The following PAFAH1B1 variants were observed in gnomAD, a reference collection of about 807,000 sequenced individuals.
The protein encoded by PAFAH1B1 is platelet-activating factor acetylhydrolase IB subunit beta.
Under a neutral mutation model 57.5 loss-of-function variants are expected in PAFAH1B1, and 2 were observed. The observed-to-expected ratio is 0.03, with a 90% CI of 0.01 to 0.11. The LOEUF is 0.11. Among genes scored for constraint, PAFAH1B1 ranks in the 10% least tolerant of loss-of-function variants. The probability of loss-of-function intolerance (pLI) is 1.00; values close to 1 mark genes in which losing one functional copy is unlikely to be tolerated. For synonymous variants in PAFAH1B1, 152 were observed against 169.6 expected, an observed-to-expected ratio of 0.90 and a Z score of 0.81; for missense variants, 257 against 512.0, an observed-to-expected ratio of 0.50 and a Z score of 4.81.
chr17:2,680,792 C>G (rs1446985921), intron 10 of PAFAH1B1: 1 of 227,710 alleles, frequency 4.4e-6, no homozygotes, highest in African/African-American at 2.3e-5. Flanking sequence ...AATAAATGCA[C>G]TAAAGTATAA....
intron 1 of PAFAH1B1, among the ~76,000 whole-genome samples, chr17:2,597,609 C>T (rs1400055969): frequency 6.6e-6 from 1 of 151,604 alleles, no homozygotes; most frequent in Non-Finnish European, 1.5e-5. Flanking sequence ...TGGAGTTTCA[C>T]CATGTTGGTC....
intron 1 of PAFAH1B1, among the ~76,000 whole-genome samples, chr17:2,596,518 T>C (rs1262145516): frequency 1.3e-5 from 2 of 152,234 alleles, no homozygotes; most frequent in Non-Finnish European, 2.9e-5. Flanking sequence ...GTCATTTTAA[T>C]GCCCTGTATC....
chr17:2,628,411 A>G (rs1313397481), intron 1 of PAFAH1B1, among the ~76,000 whole-genome samples: 1 of 152,140 alleles, frequency 6.6e-6, no homozygotes, highest in Non-Finnish European at 1.5e-5. Flanking sequence ...CTGCATCCCT[A>G]ATATGAAACC....
At chr17:2,662,005 T>A (rs8067353) in intron 2 of PAFAH1B1, 92,120 of 146,392 alleles carry the variant, frequency 0.63, 29,773 homozygotes, top group East Asian at 0.88. Context: ...GAGCCGAGCT[T>A]GCGCCATTGC....
chr17:2,663,443 AG>A (rs2069048344), intron 2 of PAFAH1B1, among the ~76,000 whole-genome samples: 1 of 152,038 alleles, frequency 6.6e-6, no homozygotes, highest in Non-Finnish European at 1.5e-5. Flanking sequence ...GCTGGAATGC[AG>A]GGGCTCACTC....
At chr17:2,658,660 C>T (rs2068971883) in intron 2 of PAFAH1B1, among the ~76,000 whole-genome samples, 1 of 152,140 alleles carries the variant, frequency 6.6e-6, no homozygotes, top group South Asian at 2.1e-4. Context: ...AAGGTCCACT[C>T]ACCCTGCATT....
intron 2 of PAFAH1B1, among the ~76,000 whole-genome samples, chr17:2,664,545 A>G (rs180686456): frequency 6.1e-4 from 93 of 151,982 alleles, no homozygotes; most frequent in Admixed American, 4.5e-3. Context: ...AGCTGGGATT[A>G]CAGGGGCTTG....
chr17:2,599,440 G>A (rs776041230), intron 1 of PAFAH1B1, among the ~76,000 whole-genome samples: 3 of 152,142 alleles, frequency 2.0e-5, no homozygotes, highest in Non-Finnish European at 4.4e-5. Flanking sequence ...TTAACATATG[G>A]TCTTGTATTG....
chr17:2,674,022 T>G lies in PAFAH1B1; in HGVS notation c.672-38T>G, dbSNP rs202227221. 135 of 1,424,112 alleles carry G rather than the reference T, an allele frequency of 9.5e-5. 1 individual carries two copies. Among genetic ancestry groups the G allele is most frequent in the Non-Finnish European group, 9.9e-6 (10 of 1,008,600 alleles). 88.2% of individuals were successfully genotyped at this position (1,424,112 alleles called of 1,614,324 possible). ...TCACTTCTGGGAAGTGTCCTGATGA[T>G]TGTCATTCACAGTGTAAGTTATTAT... On this transcript the variant is annotated intron_variant, in intron 7 of 10. Coordinates refer to ENST00000397195, the MANE Select transcript of PAFAH1B1 (RefSeq NM_000430.4).
chr17:2,614,262 A>G (rs528130654), intron 1 of PAFAH1B1, among the ~76,000 whole-genome samples: 1 of 152,034 alleles, frequency 6.6e-6, no homozygotes, highest in African/African-American at 2.4e-5. Context: ...TCCTGAGCTC[A>G]AGGGATCCTC....
Position 2,667,985 on chromosome 17 carries a change from G to C in PAFAH1B1, c.399+787G>C, listed in dbSNP as rs146431419. The stretch of plus-strand genomic sequence containing the variant: ...ATTTAGGTAGATGCCTCTATCCTAA[G>C]GGTTATTTCAAAGTAAGTTACAGAT... On this transcript the variant is annotated intron_variant, in intron 5 of 10. Coordinates refer to ENST00000397195, the MANE Select transcript of PAFAH1B1 (RefSeq NM_000430.4). Among the ~76,000 whole-genome samples the C allele has an allele frequency of 1.0e-3, 159 of 151,976 alleles. 2 individuals are homozygous for C. The East Asian group carries it at 0.028, about 27-fold the overall frequency.
intron 1 of PAFAH1B1, among the ~76,000 whole-genome samples, chr17:2,597,796 GTGTC>G (rs760729535): frequency 1.1e-4 from 16 of 151,930 alleles, no homozygotes; most frequent in Non-Finnish European, 1.5e-4. Flanking sequence ...GTGTGTGTGT[GTGTC>G]TGTCTGTCTG....
intron 1 of PAFAH1B1, among the ~76,000 whole-genome samples, chr17:2,637,332 A>T (rs1349423282): frequency 3.3e-5 from 5 of 152,158 alleles, no homozygotes; most frequent in Non-Finnish European, 4.4e-5. Flanking sequence ...AGAGCATAAG[A>T]TTCCAGCACT....
intron 1 of PAFAH1B1, among the ~76,000 whole-genome samples, chr17:2,623,630 GTT>G (rs59737147): frequency 1.5e-5 from 2 of 133,138 alleles, no homozygotes; most frequent in Non-Finnish European, 3.3e-5. Flanking sequence ...CTACTTCCCC[GTT>G]TTTTTTTTTT....
rs1173271352 is a variant in PAFAH1B1 at position 2,681,996 on chromosome 17, C to T, written c.*194C>T. ...ATCCAAATTGTATACTGTAAATTTA[C>T]ATACGTTGTCTAGAAGTACCATAGG... On this transcript the variant is annotated 3_prime_UTR_variant, in exon 11 of 11. Coordinates refer to ENST00000397195, the MANE Select transcript of PAFAH1B1 (RefSeq NM_000430.4). 3.6e-6 allele frequency: 2 copies of T among 559,412 alleles called. No homozygotes were observed. Among genetic ancestry groups the T allele is most frequent in the Non-Finnish European group, 6.3e-6 (2 of 315,376 alleles). 34.7% of individuals were successfully genotyped at this position (559,412 alleles called of 1,614,324 possible). A position where few individuals can be genotyped will look rare whatever the true frequency, so the allele number is the denominator to read the frequency against.
At chr17:2,596,715 C>A (rs2068087327) in intron 1 of PAFAH1B1, among the ~76,000 whole-genome samples, 1 of 152,122 alleles carries the variant, frequency 6.6e-6, no homozygotes, top group South Asian at 2.1e-4. Flanking sequence ...TGATAATTCA[C>A]TGTATTATGT....
At position 2,681,853 on chromosome 17, in the gene PAFAH1B1, T is replaced by C; in HGVS notation, c.*51T>C. ...CTCTTTTCCTCTGGATGCACTCTGA[T>C]GATACCATGGTTACCCCATTGAGCT... On this transcript the variant is annotated 3_prime_UTR_variant, in exon 11 of 11. Transcript: ENST00000397195. 7.6e-7 allele frequency: 1 copy of C among 1,320,088 alleles called. No homozygotes were observed. Among genetic ancestry groups the C allele is most frequent in the Non-Finnish European group, 1.1e-6 (1 of 918,778 alleles). 81.8% of individuals were successfully genotyped at this position (1,320,088 alleles called of 1,614,324 possible).
chr17:2,625,805 G>A (rs1014006402), intron 1 of PAFAH1B1, among the ~76,000 whole-genome samples: 1 of 152,106 alleles, frequency 6.6e-6, no homozygotes, highest in Non-Finnish European at 1.5e-5. Context: ...AGGCATGGTG[G>A]CATGCATCTG....
intron 1 of PAFAH1B1, among the ~76,000 whole-genome samples, chr17:2,623,232 T>G (rs1353833411): frequency 6.6e-6 from 1 of 151,906 alleles, no homozygotes; most frequent in Non-Finnish European, 1.5e-5. Flanking sequence ...CCAGCTTGAA[T>G]TTCTCCCCAG....
Sources: gnomAD v4.1 joint callset for allele counts (sites outside exome capture counted in the v4.1 genomes callset) on GRCh38, gnomAD v4.1.1 for gene constraint, MANE v1.5 for transcripts, NCBI Gene and HGNC (gene_info 2026-07-23, HGNC 2026-07-21) for gene names.